Variants in CNTNAP2 observed in about 807,000 individuals in gnomAD.
CNTNAP2 encodes the protein contactin-associated protein-like 2.
Under a neutral mutation model 155.2 loss-of-function variants are expected in CNTNAP2, and 98 were observed. The observed-to-expected ratio is 0.63, with a 90% confidence interval of 0.54 to 0.75. The LOEUF (loss-of-function observed/expected upper bound fraction) is 0.75. Among genes scored for constraint, CNTNAP2 ranks in the 30% least tolerant of loss-of-function variants. The pLI, the probability that CNTNAP2 is intolerant of heterozygous loss-of-function variation, is 0.00. For missense variants in CNTNAP2, 1,727 were observed against 1,688.1 expected (o/e 1.02, Z -0.40); for synonymous variants, 651 against 631.2 (o/e 1.03, Z -0.47).
At chr7:147,162,994 G>A (rs547155002) in intron 8 of CNTNAP2, among the ~76,000 whole-genome samples, 2 of 152,104 alleles carry the variant, frequency 1.3e-5, no homozygotes, top group African/African-American at 2.4e-5. Context: ...TCTTCTCGTG[G>A]CGATGATAAA....
intron 5 of CNTNAP2, among the ~76,000 whole-genome samples, chr7:147,113,558 G>A (rs1175276346): frequency 6.6e-6 from 1 of 152,110 alleles, no homozygotes; most frequent in African/African-American, 2.4e-5. Context: ...CATGGCGGCA[G>A]GAGAGAGAAG....
At chr7:147,726,915 A>G (rs1045490092) in intron 13 of CNTNAP2, among the ~76,000 whole-genome samples, 32 of 152,108 alleles carry the variant, frequency 2.1e-4, no homozygotes, top group African/African-American at 7.0e-4. Flanking sequence ...CTGTTTCTAA[A>G]TGGGAAATGG....
intron 10 of CNTNAP2, among the ~76,000 whole-genome samples, chr7:147,483,465 A>C (rs1312116718): frequency 6.6e-6 from 1 of 152,122 alleles, no homozygotes. Flanking sequence ...GCGTGTAAGA[A>C]CACAGTAATC....
intron 18 of CNTNAP2, among the ~76,000 whole-genome samples, chr7:148,180,139 G>A (rs1394904884): frequency 6.6e-6 from 1 of 152,174 alleles, no homozygotes; most frequent in African/African-American, 2.4e-5. Flanking sequence ...AGTGACAATG[G>A]CCATTTTTCC....
chr7:146,191,928 A>G (rs923742021), intron 1 of CNTNAP2, among the ~76,000 whole-genome samples: 7 of 152,176 alleles, frequency 4.6e-5, no homozygotes, highest in African/African-American at 1.4e-4. Flanking sequence ...TTGAGGCAAC[A>G]TACATCCTCA....
intron 1 of CNTNAP2, among the ~76,000 whole-genome samples, chr7:146,586,156 G>A (rs941135845): frequency 3.3e-5 from 5 of 152,068 alleles, no homozygotes; most frequent in Non-Finnish European, 5.9e-5. Context: ...ATTTTAAAAT[G>A]TATCTGGGTC....
intron 3 of CNTNAP2, among the ~76,000 whole-genome samples, chr7:146,901,023 T>G (rs1228771501): frequency 7.3e-6 from 1 of 136,888 alleles, no homozygotes; most frequent in African/African-American, 2.8e-5. Context: ...CTATTCTGAT[T>G]AAAGTAGTAA....
intron 15 of CNTNAP2, among the ~76,000 whole-genome samples, chr7:148,104,945 G>A (rs1371321351): frequency 2.0e-5 from 3 of 152,022 alleles, no homozygotes; most frequent in Non-Finnish European, 4.4e-5. Flanking sequence ...AACTGGTAGT[G>A]GAATTCCCAT....
At chr7:148,176,353 C>T (rs1009875775) in intron 18 of CNTNAP2, among the ~76,000 whole-genome samples, 1 of 151,490 alleles carries the variant, frequency 6.6e-6, no homozygotes, top group Admixed American at 6.6e-5. Context: ...TCCCGAGTAG[C>T]TGGGATTACA....
chr7:148,125,118 T>C (rs1804687588), intron 16 of CNTNAP2, among the ~76,000 whole-genome samples: 1 of 152,102 alleles, frequency 6.6e-6, no homozygotes, highest in Non-Finnish European at 1.5e-5. Flanking sequence ...CTAGTATTTA[T>C]TGAGTACCTG....
intron 1 of CNTNAP2, among the ~76,000 whole-genome samples, chr7:146,450,092 T>G (rs913366158): frequency 6.6e-6 from 1 of 152,124 alleles, no homozygotes; most frequent in Non-Finnish European, 1.5e-5. Context: ...ACGTTGTACC[T>G]TTTCTAAAAA....
chr7:146,703,666 A>T (rs955890335), intron 1 of CNTNAP2, among the ~76,000 whole-genome samples: 1 of 152,078 alleles, frequency 6.6e-6, no homozygotes, highest in African/African-American at 2.4e-5. Context: ...CCATGTTCTC[A>T]TGTGGTAGAA....
chr7:146,476,674 T>A (rs547565777), intron 1 of CNTNAP2, among the ~76,000 whole-genome samples: 1 of 152,264 alleles, frequency 6.6e-6, no homozygotes, highest in African/African-American at 2.4e-5. Context: ...AACAATTGGT[T>A]AAGATTAAAT....
intron 1 of CNTNAP2, among the ~76,000 whole-genome samples, chr7:146,402,978 A>G (rs915796550): frequency 6.6e-6 from 1 of 152,078 alleles, no homozygotes; most frequent in East Asian, 1.9e-4. Context: ...GTTACACTAT[A>G]CATTGAAATT....
At chr7:148,023,814 A>G (rs10226093) in intron 15 of CNTNAP2, among the ~76,000 whole-genome samples, 9,443 of 152,228 alleles carry the variant, frequency 0.062, 644 homozygotes, top group African/African-American at 0.17. Flanking sequence ...ATGAGCATTC[A>G]TAATTTACAT....
chr7:146,639,052 A>C (rs1304078908), intron 1 of CNTNAP2, among the ~76,000 whole-genome samples: 1 of 152,222 alleles, frequency 6.6e-6, no homozygotes, highest in Admixed American at 6.5e-5. Context: ...ATATGGTAGG[A>C]TTATCTTATG....
intron 11 of CNTNAP2, among the ~76,000 whole-genome samples, chr7:147,532,077 G>T (rs940917242): frequency 6.6e-6 from 1 of 152,124 alleles, no homozygotes; most frequent in Non-Finnish European, 1.5e-5. Context: ...AAAGTGCTGG[G>T]ATTACAGGCA....
intron 2 of CNTNAP2, among the ~76,000 whole-genome samples, chr7:146,784,393 A>G (rs1802539313): frequency 6.6e-6 from 1 of 152,194 alleles, no homozygotes; most frequent in Admixed American, 6.5e-5. Context: ...CATTATTATA[A>G]TATGTTTGGT....
At chr7:146,918,947 C>G (rs1282993750) in intron 3 of CNTNAP2, among the ~76,000 whole-genome samples, 1 of 152,148 alleles carries the variant, frequency 6.6e-6, no homozygotes, top group Non-Finnish European at 1.5e-5. Context: ...CTCTGAGGTT[C>G]TTTCTTCTAC....
Sources: allele counts gnomAD v4.1 joint callset (sites outside exome capture counted in the v4.1 genomes callset), GRCh38; gene constraint gnomAD v4.1.1; transcripts MANE v1.5; gene names NCBI Gene and HGNC (gene_info 2026-07-23, HGNC 2026-07-21).